The following KIAA0753 variants were observed in gnomAD, a reference collection of about 807,000 sequenced individuals.
KIAA0753 encodes the protein KIAA0753.
A neutral mutation model predicts 116.9 loss-of-function variants in KIAA0753; 114 were observed. The ratio of observed to expected loss-of-function variants is 0.98; its 90% CI spans 0.84 to 1.14. The LOEUF (loss-of-function observed/expected upper bound fraction) is 1.14, where lower values mean the gene tolerates loss of function less well. Among genes scored for constraint, KIAA0753 ranks in the 50% most tolerant of loss-of-function variants. The pLI is 0.00. For synonymous variants in KIAA0753, 405 were observed against 413.1 expected, an observed-to-expected ratio of 0.98 and a Z score of 0.24; for missense variants, 1,156 against 1,172.4, an observed-to-expected ratio of 0.99 and a Z score of 0.20.
At chr17:6,635,451 A>C in intron 1 of KIAA0753, 1 of 171,586 alleles carries the variant, frequency 5.8e-6, no homozygotes, top group African/African-American at 2.4e-5. Flanking sequence ...TTCAAATCTC[A>C]AAGGTCTCCA....
intron 7 of KIAA0753, among the ~76,000 whole-genome samples, chr17:6,619,492 T>C (rs1359228036): frequency 6.6e-6 from 1 of 152,138 alleles, no homozygotes; most frequent in East Asian, 1.9e-4. Flanking sequence ...AGTGGTGCAA[T>C]TTCACCTCAC....
intron 7 of KIAA0753, among the ~76,000 whole-genome samples, chr17:6,612,391 C>T (rs1970612862): frequency 6.6e-6 from 1 of 152,190 alleles, no homozygotes; most frequent in Non-Finnish European, 1.5e-5. Context: ...TACCTGGTCC[C>T]TTTGATCCTA....
At chr17:6,625,492 C>G (rs988731475) in intron 3 of KIAA0753, among the ~76,000 whole-genome samples, 6 of 151,910 alleles carry the variant, frequency 3.9e-5, no homozygotes, top group Non-Finnish European at 7.4e-5. Context: ...CATGGCAAAA[C>G]CCTGTCTCTA....
intron 2 of KIAA0753, chr17:6,634,618 T>A (rs965773111): frequency 1.8e-5 from 3 of 164,152 alleles, no homozygotes; most frequent in Admixed American, 5.9e-5. Flanking sequence ...TTGCTGTATT[T>A]TTAAAGATTT....
chr17:6,590,436 T>C, intron 17 of KIAA0753, 74 bp downstream of exon 17: 1 of 1,565,962 alleles, frequency 6.4e-7, no homozygotes, highest in Non-Finnish European at 8.7e-7. Context: ...TTATGGGAAC[T>C]GAAAGAATTC....
At chr17:6,617,994 C>A (rs1971046954) in intron 7 of KIAA0753, among the ~76,000 whole-genome samples, 2 of 152,106 alleles carry the variant, frequency 1.3e-5, no homozygotes. Context: ...CCCAGCTACT[C>A]AGGAGGCTGA....
intron 2 of KIAA0753, 83 bp from the exon 3 acceptor site, chr17:6,628,824 A>C (rs1971849696): frequency 7.1e-7 from 1 of 1,401,330 alleles, no homozygotes; most frequent in African/African-American, 1.4e-5. Context: ...CAAATTTCTA[A>C]AATTTTGCCA....
intron 1 of KIAA0753, chr17:6,637,987 C>T (rs1000803770): frequency 6.6e-6 from 1 of 152,656 alleles, no homozygotes; most frequent in African/African-American, 2.4e-5. Flanking sequence ...GACCCTCTGT[C>T]TCTGTCCCCA....
intron 2 of KIAA0753, among the ~76,000 whole-genome samples, chr17:6,633,415 G>T (rs1168720608): frequency 1.3e-5 from 2 of 152,184 alleles, no homozygotes; most frequent in Non-Finnish European, 2.9e-5. Context: ...TGGAGCAACT[G>T]GAGCTCTCAT....
At chr17:6,619,824 G>A (rs1597567663) in intron 7 of KIAA0753, among the ~76,000 whole-genome samples, 1 of 152,134 alleles carries the variant, frequency 6.6e-6, no homozygotes, top group Admixed American at 6.5e-5. Context: ...TCTATCTAGA[G>A]AAATAAAAGA....
At chr17:6,594,684 T>C (rs1193465174) in intron 16 of KIAA0753, among the ~76,000 whole-genome samples, 4 of 152,048 alleles carry the variant, frequency 2.6e-5, no homozygotes, top group Admixed American at 1.3e-4. Context: ...GTAAATTTTA[T>C]CTTGAAAAAA....
At chr17:6,580,194 T>C (rs1968042486) in intron 18 of KIAA0753, among the ~76,000 whole-genome samples, 1 of 150,484 alleles carries the variant, frequency 6.6e-6, no homozygotes, top group African/African-American at 2.4e-5. Flanking sequence ...TCAAAATAAA[T>C]AAAATAAAAT....
chr17:6,611,320 A>G, intron 8 of KIAA0753, among the ~76,000 whole-genome samples: 1 of 151,962 alleles, frequency 6.6e-6, no homozygotes, highest in Non-Finnish European at 1.5e-5. Context: ...TTTTTCTTTA[A>G]GACAGGGTCT....
intron 18 of KIAA0753, among the ~76,000 whole-genome samples, chr17:6,588,757 C>T (rs987502861): frequency 6.6e-6 from 1 of 151,830 alleles, no homozygotes; most frequent in African/African-American, 2.4e-5. Flanking sequence ...TAAATGTGGG[C>T]CCTGTTTAAA....
chr17:6,598,587 T>G (rs559235547), intron 14 of KIAA0753, among the ~76,000 whole-genome samples: 1 of 152,318 alleles, frequency 6.6e-6, no homozygotes, highest in South Asian at 2.1e-4. Flanking sequence ...GCTATAAATA[T>G]CTTTCCAAAC....
At chr17:6,627,970 C>G in intron 3 of KIAA0753, 147 bp downstream of exon 3, 1 of 728,392 alleles carries the variant, frequency 1.4e-6, no homozygotes, top group South Asian at 1.9e-5. Context: ...GCCTAACTGT[C>G]TTGTCCTGAG....
rs538893972 is a variant in KIAA0753 at position 6,579,668 on chromosome 17, A to G, written c.*79T>C. On this transcript the variant is annotated 3_prime_UTR_variant, in exon 19 of 19. Transcript: ENST00000361413. ...GGCCTGGATGGACAGCTGAGGATGAAAATTTCCTGTGGGCCAAAACAAAGG... is the reference window on the plus strand; with the variant it reads ...GGCCTGGATGGACAGCTGAGGATGAGAATTTCCTGTGGGCCAAAACAAAGG... 2.0e-6 allele frequency: 2 copies of G among 1,021,122 alleles called. No homozygotes were observed. 63.3% of individuals were successfully genotyped at this position (1,021,122 alleles called of 1,614,324 possible).
At chr17:6,637,952 G>A (rs899476950) in intron 1 of KIAA0753, 9 of 152,486 alleles carry the variant, frequency 5.9e-5, no homozygotes, top group African/African-American at 2.2e-4. Context: ...GGAGCCAGAA[G>A]GACTTCGGTG....
At chr17:6,638,369 C>A (rs969651979) in intron 1 of KIAA0753, 1 of 152,916 alleles carries the variant, frequency 6.5e-6, no homozygotes, top group African/African-American at 2.4e-5. Flanking sequence ...GACGCCCACA[C>A]AGCAGCAGGC....
Sources: gnomAD v4.1 joint callset for allele counts (sites outside exome capture counted in the v4.1 genomes callset) on GRCh38, gnomAD v4.1.1 for gene constraint, MANE v1.5 for transcripts, NCBI Gene and HGNC (gene_info 2026-07-23, HGNC 2026-07-21) for gene names.